Variants in PLCB4 observed in about 807,000 individuals in gnomAD.
PLCB4 encodes the protein 1-phosphatidylinositol 4,5-bisphosphate phosphodiesterase beta-4.
A neutral mutation model predicts 178.8 loss-of-function variants in PLCB4; 77 were observed. The observed-to-expected ratio is 0.43, with a 90% CI of 0.36 to 0.52. PLCB4 has a LOEUF of 0.52. Among genes scored for constraint, PLCB4 ranks in the 20% least tolerant of loss-of-function variants. The probability of loss-of-function intolerance (pLI) is 0.00; values close to 1 mark genes in which losing one functional copy is unlikely to be tolerated. For synonymous variants in PLCB4, 496 were observed against 490.8 expected (o/e 1.01, Z -0.14); for missense variants, 1,024 against 1,453.4 (o/e 0.70, Z 4.80).
chr20:9,088,334 T>C (rs1489933947), intron 1 of PLCB4, among the ~76,000 whole-genome samples: 2 of 152,142 alleles, frequency 1.3e-5, no homozygotes, highest in Admixed American at 6.5e-5. Flanking sequence ...GTGTAGCAAG[T>C]CCTGTGGACA....
intron 24 of PLCB4, among the ~76,000 whole-genome samples, chr20:9,409,983 C>T (rs1319641063): frequency 6.6e-6 from 1 of 152,160 alleles, no homozygotes. Context: ...CCAGAAAGCT[C>T]TTTTTTCCTT....
intron 2 of PLCB4, among the ~76,000 whole-genome samples, chr20:9,142,550 A>G (rs1467229360): frequency 6.6e-6 from 1 of 152,136 alleles, no homozygotes; most frequent in Non-Finnish European, 1.5e-5. Flanking sequence ...TAAGCAGGGA[A>G]GTGAAAAAAG....
At chr20:9,396,533 T>C (rs1030018098) in intron 19 of PLCB4, among the ~76,000 whole-genome samples, 8 of 152,356 alleles carry the variant, frequency 5.3e-5, no homozygotes, top group African/African-American at 1.9e-4. Context: ...TGTTCAGTTG[T>C]AAATGGGTCA....
At chr20:9,144,746 G>C (rs1289243562) in intron 2 of PLCB4, among the ~76,000 whole-genome samples, 1 of 95,690 alleles carries the variant, frequency 1.0e-5, no homozygotes, top group Non-Finnish European at 2.1e-5. Flanking sequence ...GGAGGGGAAG[G>C]AGGGGAAGGA....
At chr20:9,176,842 C>T (rs2093163568) in intron 2 of PLCB4, among the ~76,000 whole-genome samples, 1 of 152,136 alleles carries the variant, frequency 6.6e-6, no homozygotes, top group South Asian at 2.1e-4. Flanking sequence ...CATGAGGAAA[C>T]TGTTAGAAGC....
chr20:9,276,409 G>T (rs1376582940), intron 3 of PLCB4, among the ~76,000 whole-genome samples: 1 of 152,036 alleles, frequency 6.6e-6, no homozygotes. Flanking sequence ...CTGAGAAGAG[G>T]AGCCAGATGT....
chr20:9,324,690 T>C (rs1387986384), intron 4 of PLCB4, among the ~76,000 whole-genome samples: 1 of 152,174 alleles, frequency 6.6e-6, no homozygotes, highest in African/African-American at 2.4e-5. Context: ...GCAGTGGTTC[T>C]TGTGTGATGT....
At chr20:9,292,090 A>G (rs749707155) in intron 3 of PLCB4, among the ~76,000 whole-genome samples, 28 of 152,198 alleles carry the variant, frequency 1.8e-4, no homozygotes, top group Admixed American at 9.8e-4. Flanking sequence ...CAGTCCTTGA[A>G]TTTATGCCTG....
At chr20:9,130,385 G>A (rs2092242246) in intron 2 of PLCB4, among the ~76,000 whole-genome samples, 1 of 152,160 alleles carries the variant, frequency 6.6e-6, no homozygotes, top group Non-Finnish European at 1.5e-5. Flanking sequence ...TGCAGTAGAT[G>A]CATGCATACT....
rs1419388583 is a variant in PLCB4 at position 9,221,008 on chromosome 20, G to A, written c.-16+3556G>A. ...ATTTTCTTAGAGCACATTCATGCAT[G>A]CCAAGAGTCGTGAGATGAGCTCTCC... On this transcript the variant is annotated intron_variant, in intron 3 of 39. Coordinates refer to ENST00000378473, the MANE Select transcript of PLCB4 (RefSeq NM_001377142.1). 3.3e-5 allele frequency among the ~76,000 whole-genome samples: 5 copies of A among 152,144 alleles called. 1 individual carries two copies. Among genetic ancestry groups the A allele is most frequent in the Admixed American group, 2.0e-4 (3 of 15,278 alleles).
intron 2 of PLCB4, among the ~76,000 whole-genome samples, chr20:9,186,145 G>A (rs2093325637): frequency 6.6e-6 from 1 of 152,178 alleles, no homozygotes; most frequent in Admixed American, 6.5e-5. Flanking sequence ...CAAGGGTGGT[G>A]TGGTGGGTGA....
chr20:9,325,187 T>C (rs1465731894), intron 4 of PLCB4, among the ~76,000 whole-genome samples: 1 of 152,240 alleles, frequency 6.6e-6, no homozygotes, highest in Non-Finnish European at 1.5e-5. Flanking sequence ...GCACGTCTCC[T>C]GTTTTTCTTA....
chr20:9,267,668 C>T (rs1439975374), intron 3 of PLCB4, among the ~76,000 whole-genome samples: 2 of 151,958 alleles, frequency 1.3e-5, no homozygotes, highest in Non-Finnish European at 2.9e-5. Context: ...GAAAAATATA[C>T]ATTTTGGGCT....
intron 3 of PLCB4, among the ~76,000 whole-genome samples, chr20:9,275,522 G>A (rs2094443031): frequency 6.6e-6 from 1 of 152,020 alleles, no homozygotes; most frequent in Non-Finnish European, 1.5e-5. Flanking sequence ...CTGTTAAATG[G>A]TAGAGCCAGA....
Position 9,472,779 on chromosome 20 carries a change from A to G in PLCB4, c.3351-11A>G, listed in dbSNP as rs1455301527. ...GTCATACCAACCGTTATTTGTGCCC[A>G]TTGCTTTTAGGCGAGTCAGGGAGTT... On this transcript the variant is annotated splice_polypyrimidine_tract_variant and intron_variant, in intron 36 of 39. Transcript: ENST00000378473. 6.4e-7 allele frequency: 1 copy of G among 1,571,622 alleles called. No individual in the cohort carries two copies. The highest frequency in any genetic ancestry group is 8.7e-7 in the Non-Finnish European group (1 of 1,149,830).
At chr20:9,169,413 C>T (rs916820207) in intron 2 of PLCB4, among the ~76,000 whole-genome samples, 1 of 144,450 alleles carries the variant, frequency 6.9e-6, no homozygotes, top group Non-Finnish European at 1.5e-5. Flanking sequence ...CATGGTGAAA[C>T]CCCATCTCTT....
At position 9,321,840 on chromosome 20, in the gene PLCB4, G is replaced by C. The variant is rs1184528236; in HGVS notation, c.84+13942G>C. The stretch of plus-strand genomic sequence containing the variant: ...GTAGAGACGGGGTTTCATCATGTTG[G>C]CCAGGCTGGTCTCGAACTTTTGACC... On this transcript the variant is annotated intron_variant, in intron 4 of 39. Transcript: ENST00000378473. 3.3e-5 allele frequency among the ~76,000 whole-genome samples: 5 copies of C among 152,052 alleles called. 1 individual carries two copies. Among genetic ancestry groups the C allele is most frequent in the South Asian group, 4.2e-4 (2 of 4,800 alleles).
At chr20:9,153,246 A>G (rs1363538101) in intron 2 of PLCB4, among the ~76,000 whole-genome samples, 1 of 152,122 alleles carries the variant, frequency 6.6e-6, no homozygotes, top group Non-Finnish European at 1.5e-5. Flanking sequence ...TGGGTTTGAA[A>G]TGTAAGGACA....
intron 2 of PLCB4, among the ~76,000 whole-genome samples, chr20:9,174,285 C>G (rs560473014): frequency 6.6e-6 from 1 of 151,890 alleles, no homozygotes; most frequent in Non-Finnish European, 1.5e-5. Flanking sequence ...ACAAAGGGCA[C>G]GTAACCATGC....
Sources: gnomAD v4.1 joint callset for allele counts (sites outside exome capture counted in the v4.1 genomes callset) on GRCh38, gnomAD v4.1.1 for gene constraint, MANE v1.5 for transcripts, NCBI Gene and HGNC (gene_info 2026-07-23, HGNC 2026-07-21) for gene names.